The following TFB1M variants were observed in gnomAD, a reference collection of about 807,000 sequenced individuals.
TFB1M encodes transcription factor B1, mitochondrial, also known as dimethyladenosine transferase 1, mitochondrial.
Under a neutral mutation model 31.1 loss-of-function variants are expected in TFB1M, and 27 were observed. The observed-to-expected ratio is 0.87, with a 90% CI of 0.64 to 1.20. The LOEUF (loss-of-function observed/expected upper bound fraction) is 1.20. Ranked by LOEUF, TFB1M falls within the 50% of genes most tolerant of loss-of-function variation. The probability of loss-of-function intolerance (pLI) is 0.00; values close to 1 mark genes in which losing one functional copy is unlikely to be tolerated. For synonymous variants in TFB1M, 166 were observed against 151.8 expected (o/e 1.09, Z -0.69); for missense variants, 394 against 418.7 (o/e 0.94, Z 0.51).
At chr6:155,256,055 C>T, downstream of TFB1M, 1 of 205,030 alleles carries the variant, frequency 4.9e-6, no homozygotes, top group Non-Finnish European at 9.7e-6. Flanking sequence ...TTTAATTGAG[C>T]AGCAAGGGAA....
intron 2 of TFB1M, chr6:155,303,524 T>C (rs1039317336): frequency 1.3e-5 from 2 of 152,232 alleles, no homozygotes; most frequent in Non-Finnish European, 1.5e-5. Flanking sequence ...TTTTGCTTAC[T>C]TGTTGAGTTT....
At chr6:155,293,777 C>T (rs1354808533) in intron 4 of TFB1M, among the ~76,000 whole-genome samples, 1 of 151,908 alleles carries the variant, frequency 6.6e-6, no homozygotes, top group Non-Finnish European at 1.5e-5. Context: ...CTTCTCATTC[C>T]AATAATGGTA....
chr6:155,270,541 G>C (rs1784870785), intron 5 of TFB1M, among the ~76,000 whole-genome samples: 1 of 152,092 alleles, frequency 6.6e-6, no homozygotes, highest in Non-Finnish European at 1.5e-5. Flanking sequence ...TTCTAAAGCA[G>C]GCAATTAATA....
the TFB1M span, among the ~76,000 whole-genome samples, chr6:155,233,822 G>A: frequency 6.6e-6 from 1 of 152,070 alleles, no homozygotes; most frequent in African/African-American, 2.4e-5. Context: ...AATTAGCTGG[G>A]TATGGTGGCA....
chr6:155,237,944 T>G, the TFB1M span, among the ~76,000 whole-genome samples: 464 of 152,374 alleles, frequency 3.0e-3, 1 homozygote, highest in African/African-American at 0.011. Flanking sequence ...CCTCTTTACT[T>G]ATGCAAATGT....
chr6:155,286,373 C>T (rs1052128455), intron 4 of TFB1M, among the ~76,000 whole-genome samples: 1 of 151,546 alleles, frequency 6.6e-6, no homozygotes, highest in African/African-American at 2.4e-5. Context: ...CAGACAGACA[C>T]ACACACATAT....
chr6:155,251,737 T>TAATA (rs1783667020), downstream of TFB1M, among the ~76,000 whole-genome samples: 1 of 152,242 alleles, frequency 6.6e-6, no homozygotes, highest in Admixed American at 6.5e-5. Flanking sequence ...GATCAACTTC[T>TAATA]AATAGTAGCT....
chr6:155,302,726 A>C (rs1260031513), intron 2 of TFB1M, among the ~76,000 whole-genome samples: 1 of 152,218 alleles, frequency 6.6e-6, no homozygotes, highest in East Asian at 1.9e-4. Flanking sequence ...GTCATTATCA[A>C]ATCTTTCACT....
At chr6:155,286,640 T>G (rs1018540669) in intron 4 of TFB1M, among the ~76,000 whole-genome samples, 2 of 117,246 alleles carry the variant, frequency 1.7e-5, no homozygotes, top group Non-Finnish European at 3.6e-5. Flanking sequence ...TGCATATATG[T>G]GTGTGTGTGT....
At chr6:155,297,987 G>A (rs1199870513) in intron 3 of TFB1M, among the ~76,000 whole-genome samples, 1 of 152,214 alleles carries the variant, frequency 6.6e-6, no homozygotes, top group Non-Finnish European at 1.5e-5. Flanking sequence ...GTCTGTTATA[G>A]GAAGAAACAT....
chr6:155,289,690 C>T (rs1350850976), intron 4 of TFB1M, among the ~76,000 whole-genome samples: 1 of 152,148 alleles, frequency 6.6e-6, no homozygotes, highest in Non-Finnish European at 1.5e-5. Flanking sequence ...ACATATACAG[C>T]CATGTCAAGA....
At chr6:155,244,819 C>T in the TFB1M span, 99 of 1,578,068 alleles carry the variant, frequency 6.3e-5, 1 homozygote, top group East Asian at 1.1e-3. Flanking sequence ...AGTAAAAATA[C>T]GTGGCTATGG....
chr6:155,243,979 C>A, the TFB1M span: 1 of 1,589,196 alleles, frequency 6.3e-7, no homozygotes, highest in Non-Finnish European at 8.6e-7. Flanking sequence ...GAGACTAAAG[C>A]GTTGAAGACA....
At chr6:155,250,005 A>ATG in the TFB1M span, 1 of 1,546,688 alleles carries the variant, frequency 6.5e-7, no homozygotes, top group African/African-American at 1.4e-5. Context: ...AGCCTAGTGC[A>ATG]TGTGGTGTGG....
intron 5 of TFB1M, among the ~76,000 whole-genome samples, chr6:155,261,547 G>A (rs555039389): frequency 1.3e-5 from 2 of 152,222 alleles, no homozygotes; most frequent in Non-Finnish European, 2.9e-5. Context: ...TGAATATGAT[G>A]TGAGACTTTA....
chr6:155,248,303 G>T, the TFB1M span: 1 of 1,106,138 alleles, frequency 9.0e-7, no homozygotes, highest in Non-Finnish European at 1.3e-6. Flanking sequence ...TCACTTTTCA[G>T]TTCTGCGATG....
the TFB1M span, among the ~76,000 whole-genome samples, chr6:155,238,871 C>A: frequency 1.3e-5 from 2 of 152,146 alleles, no homozygotes; most frequent in Non-Finnish European, 2.9e-5. Flanking sequence ...AATTGATGAC[C>A]ACTGAATTGA....
chr6:155,283,432 C>T (rs977172322), intron 5 of TFB1M, among the ~76,000 whole-genome samples: 15 of 152,020 alleles, frequency 9.9e-5, no homozygotes, highest in Admixed American at 3.3e-4. Flanking sequence ...CGTAAACATC[C>T]CTCAATAAAA....
downstream of TFB1M, chr6:155,253,243 A>G (rs1783781184): frequency 3.9e-6 from 2 of 518,610 alleles, no homozygotes; most frequent in Non-Finnish European, 3.4e-6. Context: ...GCTGGTGGAT[A>G]GCTTTTTCTT....
Sources: gnomAD v4.1 joint callset for allele counts (sites outside exome capture counted in the v4.1 genomes callset) on GRCh38, gnomAD v4.1.1 for gene constraint, MANE v1.5 for transcripts, NCBI Gene and HGNC (gene_info 2026-07-23, HGNC 2026-07-21) for gene names.